The following DOCK1 variants were observed in gnomAD, a reference collection of about 807,000 sequenced individuals.
The protein encoded by DOCK1 is dedicator of cytokinesis 1, also known as dedicator of cytokinesis protein 1.
A neutral mutation model predicts 262.7 loss-of-function variants in DOCK1; 138 were observed. The observed-to-expected ratio is 0.53, with a 90% confidence interval of 0.46 to 0.61. The LOEUF (loss-of-function observed/expected upper bound fraction) is 0.61, where lower values mean the gene tolerates loss of function less well. Ranked by LOEUF, DOCK1 falls within the 20% of genes least tolerant of loss-of-function variation. The probability of loss-of-function intolerance (pLI) is 0.00; values close to 1 mark genes in which losing one functional copy is unlikely to be tolerated. For missense variants in DOCK1, 1,908 were observed against 2,370.7 expected, an observed-to-expected ratio of 0.80 and a Z score of 4.05; for synonymous variants, 866 against 867.4, an observed-to-expected ratio of 1.00 and a Z score of 0.03.
At chr10:127,080,514 C>A (rs1260309127) in intron 23 of DOCK1, among the ~76,000 whole-genome samples, 1 of 151,988 alleles carries the variant, frequency 6.6e-6, no homozygotes, top group Admixed American at 6.6e-5. Flanking sequence ...TCACTGCAGT[C>A]ACATTGTATT....
At chr10:127,407,842 C>A (rs1490505519) in intron 40 of DOCK1, among the ~76,000 whole-genome samples, 1 of 152,052 alleles carries the variant, frequency 6.6e-6, no homozygotes, top group African/African-American at 2.4e-5. Context: ...ACCCCCCCAA[C>A]CCCAGACTTC....
chr10:127,026,273 T>C (rs1291925855), intron 15 of DOCK1, 79 bp from the exon 16 acceptor site: 3 of 1,297,004 alleles, frequency 2.3e-6, no homozygotes, highest in Non-Finnish European at 3.3e-6. Flanking sequence ...CAGTTGTACC[T>C]GATAGCTCCA....
At chr10:127,371,421 T>A (rs754867239) in intron 33 of DOCK1, among the ~76,000 whole-genome samples, 1 of 152,244 alleles carries the variant, frequency 6.6e-6, no homozygotes, top group Non-Finnish European at 1.5e-5. Context: ...GCAGCATACC[T>A]AGGTAGCTGT....
chr10:126,967,339 A>T (rs958646276), intron 1 of DOCK1, among the ~76,000 whole-genome samples: 6 of 152,166 alleles, frequency 3.9e-5, no homozygotes, highest in Admixed American at 6.5e-5. Context: ...GGATTCATTT[A>T]AAAAAATTCC....
At chr10:127,386,242 A>G (rs7089466) in intron 38 of DOCK1, among the ~76,000 whole-genome samples, 114,857 of 152,016 alleles carry the variant, frequency 0.76, 43,597 homozygotes, top group African/African-American at 0.84. Flanking sequence ...TCAGAATGGC[A>G]TGTGGGCTCC....
chr10:127,243,254 A>G (rs550808459), intron 27 of DOCK1, among the ~76,000 whole-genome samples: 40 of 152,252 alleles, frequency 2.6e-4, no homozygotes, highest in African/African-American at 9.6e-4. Context: ...TCCACTAGGC[A>G]TAGTTGACAA....
At chr10:127,149,749 G>A (rs1283591363) in intron 27 of DOCK1, among the ~76,000 whole-genome samples, 3 of 152,168 alleles carry the variant, frequency 2.0e-5, no homozygotes, top group African/African-American at 4.8e-5. Context: ...ATGGCCCCAC[G>A]TGTTCTCAAG....
At chr10:127,326,273 G>C (rs185086003) in intron 29 of DOCK1, among the ~76,000 whole-genome samples, 2 of 152,288 alleles carry the variant, frequency 1.3e-5, no homozygotes, top group Admixed American at 1.3e-4. Context: ...CTGTTTGGTA[G>C]CATTTTACAC....
At chr10:127,286,375 T>C (rs557403585) in intron 29 of DOCK1, among the ~76,000 whole-genome samples, 4 of 152,346 alleles carry the variant, frequency 2.6e-5, no homozygotes, top group Admixed American at 6.5e-5. Flanking sequence ...TCATTGTTTC[T>C]GTTGAAGGTA....
intron 38 of DOCK1, among the ~76,000 whole-genome samples, chr10:127,393,044 A>T (rs1286118986): frequency 6.6e-6 from 1 of 152,116 alleles, no homozygotes; most frequent in Non-Finnish European, 1.5e-5. Flanking sequence ...CATCCACAGA[A>T]CTTACCGACC....
At chr10:127,017,607 G>A (rs1397284812) in intron 12 of DOCK1, among the ~76,000 whole-genome samples, 2 of 151,916 alleles carry the variant, frequency 1.3e-5, no homozygotes, top group East Asian at 1.9e-4. Context: ...ACAGACATAC[G>A]CACAGCCACA....
chr10:127,443,493 T>C (rs2134778277), intron 49 of DOCK1, among the ~76,000 whole-genome samples: 1 of 152,278 alleles, frequency 6.6e-6, no homozygotes, highest in South Asian at 2.1e-4. Flanking sequence ...TTGTCTGTTT[T>C]CCCTGCTCTG....
chr10:126,971,232 T>C (rs1029765595), intron 2 of DOCK1, among the ~76,000 whole-genome samples: 4 of 151,900 alleles, frequency 2.6e-5, no homozygotes, highest in Non-Finnish European at 5.9e-5. Context: ...TTTGTATTTT[T>C]AGTAGAGACT....
chr10:127,079,632 T>C (rs1266156056), intron 23 of DOCK1, among the ~76,000 whole-genome samples: 1 of 152,238 alleles, frequency 6.6e-6, no homozygotes, highest in Non-Finnish European at 1.5e-5. Context: ...TTGTGTGATA[T>C]GTAAAAGTCT....
chr10:126,928,137 C>T (rs1254828642), intron 1 of DOCK1, among the ~76,000 whole-genome samples: 1 of 152,204 alleles, frequency 6.6e-6, no homozygotes, highest in Non-Finnish European at 1.5e-5. Context: ...ATGAAACATG[C>T]ACAGAGTGAA....
In DOCK1 at chr10:127,362,052, C is replaced by T. The variant is rs868269948; in HGVS notation, c.3284-12C>T. 12 of 1,597,802 alleles carry T rather than the reference C, an allele frequency of 7.5e-6. No individual in the cohort carries two copies. Among genetic ancestry groups the T allele is most frequent in the Middle Eastern group, 3.3e-4 (2 of 5,994 alleles). On this transcript the variant is annotated splice_polypyrimidine_tract_variant and intron_variant, in intron 32 of 51. Coordinates refer to ENST00000623213, the MANE Select transcript of DOCK1 (RefSeq NM_001290223.2). ...TTCTTTATTTCTGAATATTGTACCTCTTTTTTCCAAGGTCAACACAAGATA... is the reference window on the plus strand; with the variant it reads ...TTCTTTATTTCTGAATATTGTACCTTTTTTTTCCAAGGTCAACACAAGATA...
At chr10:127,288,316 A>G (rs914068590) in intron 29 of DOCK1, among the ~76,000 whole-genome samples, 3 of 152,160 alleles carry the variant, frequency 2.0e-5, no homozygotes, top group East Asian at 1.9e-4. Context: ...GATCTTTTAC[A>G]TTTTCCATCC....
At chr10:127,039,663 C>T (rs9418809) in intron 19 of DOCK1, among the ~76,000 whole-genome samples, 32,498 of 152,066 alleles carry the variant, frequency 0.21, 3,425 homozygotes, top group Middle Eastern at 0.28. Context: ...GGCCACGGGG[C>T]TGTTAATGGC....
chr10:126,951,957 TTCCTGCCTCGGAC>T (rs2036289884), intron 1 of DOCK1, among the ~76,000 whole-genome samples: 1 of 151,632 alleles, frequency 6.6e-6, no homozygotes, highest in Non-Finnish European at 1.5e-5. Context: ...TCAAGCGATT[TTCCTGCCTCGGAC>T]TCCTGAGTAG....
Sources: allele counts gnomAD v4.1 joint callset (sites outside exome capture counted in the v4.1 genomes callset), GRCh38; gene constraint gnomAD v4.1.1; transcripts MANE v1.5; gene names NCBI Gene and HGNC (gene_info 2026-07-23, HGNC 2026-07-21).